FHIP2A: variants seen among roughly 807,000 people sequenced by gnomAD.
FHIP2A encodes the protein FHF complex subunit HOOK interacting protein 2A, also known as family with sequence similarity 160 member B1.
Under a neutral mutation model 93.5 loss-of-function variants are expected in FHIP2A, and 46 were observed. The observed-to-expected ratio is 0.49, with a 90% confidence interval of 0.39 to 0.63. The LOEUF is 0.63. FHIP2A is among the 20% of genes least tolerant of loss of function. FHIP2A has a pLI of 0.00. For missense variants in FHIP2A, 769 were observed against 909.7 expected (o/e 0.85, Z 1.99); for synonymous variants, 332 against 326.5 (o/e 1.02, Z -0.18).
downstream of FHIP2A, among the ~76,000 whole-genome samples, chr10:114,865,975 T>A (rs897018626): frequency 2.6e-5 from 4 of 152,176 alleles, no homozygotes; most frequent in African/African-American, 7.2e-5. Flanking sequence ...TTGTTTTTTT[T>A]AATTTATTTT....
Position 114,839,605 on chromosome 10 carries a change from G to A in FHIP2A, c.523-3328G>A, listed in dbSNP as rs138531830. ...TAGAAACAGTCTTTGCCGGCCGGGC[G>A]CGGTGGCTCATGCCTGTAATCCCAG... On this transcript the variant is annotated intron_variant, in intron 5 of 16. Coordinates refer to ENST00000369248, the MANE Select transcript of FHIP2A (RefSeq NM_020940.4). Among the ~76,000 whole-genome samples, 114 of 152,158 alleles carry A rather than the reference G, an allele frequency of 7.5e-4. 2 individuals carry two copies. The East Asian group carries it at 0.021, about 28-fold the overall frequency.
chr10:114,862,955 T>A lies in FHIP2A; in HGVS notation c.*1415T>A. The A allele has an allele frequency of 1.0e-6, 1 of 985,440 alleles. No individual in the cohort carries two copies. Among genetic ancestry groups the A allele is most frequent in the Non-Finnish European group, 1.2e-6 (1 of 829,930 alleles). The allele number at this position is 985,440 out of a possible 1,614,324, so 61.0% of individuals were successfully genotyped here. On this transcript the variant is annotated 3_prime_UTR_variant, in exon 17 of 17. Transcript: ENST00000369248. ...TGTGTGGCATGTGCATAGAGGCTTG[T>A]TTTACACCTATCTGCTCATTTTGTT...
chr10:114,861,809 G>A lies in FHIP2A; in HGVS notation c.*269G>A, dbSNP rs2083801691. 1 of 1,097,124 alleles carries A rather than the reference G, an allele frequency of 9.1e-7. No individual in the cohort carries two copies. Among genetic ancestry groups the A allele is most frequent in the African/African-American group, 1.7e-5 (1 of 60,470 alleles). 68.0% of individuals were successfully genotyped at this position (1,097,124 alleles called of 1,614,324 possible). A position where few individuals can be genotyped will look rare whatever the true frequency, so the allele number is the denominator to read the frequency against. ...CAATCAAAGGAACTTCAGGAAATAA[G>A]CATTTCTAATGACTGTGAAAAGCTG... On this transcript the variant is annotated 3_prime_UTR_variant, in exon 17 of 17. Coordinates refer to ENST00000369248, the MANE Select transcript of FHIP2A (RefSeq NM_020940.4).
chr10:114,822,571 G>A (rs1171810941), intron 1 of FHIP2A, among the ~76,000 whole-genome samples: 1 of 152,254 alleles, frequency 6.6e-6, no homozygotes, highest in African/African-American at 2.4e-5. Flanking sequence ...AGCAAGCACC[G>A]CTTGGGCTTG....
intron 16 of FHIP2A, among the ~76,000 whole-genome samples, chr10:114,885,422 A>T (rs1592034329): frequency 6.6e-6 from 1 of 151,868 alleles, no homozygotes; most frequent in Non-Finnish European, 1.5e-5. Context: ...GAAAAAAAAA[A>T]GCAGATGACC....
At chr10:114,852,527 T>C (rs1340331998) in intron 13 of FHIP2A, among the ~76,000 whole-genome samples, 2 of 152,224 alleles carry the variant, frequency 1.3e-5, no homozygotes, top group African/African-American at 4.8e-5. Context: ...CTCTAGTGTA[T>C]TGCCAAGTTG....
chr10:114,876,722 C>T (rs1055792567), intron 16 of FHIP2A, among the ~76,000 whole-genome samples: 2 of 152,188 alleles, frequency 1.3e-5, no homozygotes, highest in Non-Finnish European at 2.9e-5. Flanking sequence ...TCTCTTCTCA[C>T]CTGCCAGCTC....
intron 3 of FHIP2A, among the ~76,000 whole-genome samples, chr10:114,834,564 CTG>C (rs1386464765): frequency 2.0e-5 from 3 of 152,118 alleles, no homozygotes; most frequent in African/African-American, 2.4e-5. Context: ...TATTTTGTAA[CTG>C]TATTTGAAAT....
At chr10:114,866,004 G>A (rs1027157939), downstream of FHIP2A, among the ~76,000 whole-genome samples, 1 of 152,000 alleles carries the variant, frequency 6.6e-6, no homozygotes, top group Admixed American at 6.6e-5. Flanking sequence ...GGATACACAT[G>A]CAGGATGTGC....
chr10:114,886,044 C>T (rs1237252489), intron 16 of FHIP2A, among the ~76,000 whole-genome samples: 3 of 152,178 alleles, frequency 2.0e-5, no homozygotes, highest in Non-Finnish European at 1.5e-5. Context: ...AATAAAGCGT[C>T]TTAGTGTCTC....
intron 14 of FHIP2A, among the ~76,000 whole-genome samples, 154 bp from the exon 15 acceptor site, chr10:114,860,595 G>T (rs566729902): frequency 6.6e-6 from 1 of 151,862 alleles, no homozygotes; most frequent in African/African-American, 2.4e-5. Context: ...CAGGTGATCC[G>T]CCCGCCTCAG....
Position 114,862,768 on chromosome 10 carries a change from A to C in FHIP2A, c.*1228A>C. 6.1e-6 allele frequency: 6 copies of C among 985,352 alleles called. No homozygotes were observed. The highest frequency in any genetic ancestry group is 7.2e-6 in the Non-Finnish European group (6 of 829,904). 61.0% of individuals were successfully genotyped at this position (985,352 alleles called of 1,614,324 possible). A position where few individuals can be genotyped will look rare whatever the true frequency, so the allele number is the denominator to read the frequency against. Reference sequence around the variant, plus strand: ...ATCACTCAAATAATGCTTTTAAGCTATTGTTTGTTTTTATTTGACATGTTA... The same window carrying C: ...ATCACTCAAATAATGCTTTTAAGCTCTTGTTTGTTTTTATTTGACATGTTA... On this transcript the variant is annotated 3_prime_UTR_variant, in exon 17 of 17. Transcript: ENST00000369248.
At chr10:114,875,757 AG>A (rs1455729457) in intron 16 of FHIP2A, among the ~76,000 whole-genome samples, 1 of 151,098 alleles carries the variant, frequency 6.6e-6, no homozygotes, top group African/African-American at 2.4e-5. Context: ...AGAAAGAGAA[AG>A]AAAGAAAGAG....
chr10:114,835,956 AAGTT>A (rs2083634668), intron 4 of FHIP2A, among the ~76,000 whole-genome samples, 164 bp from the exon 5 acceptor site: 1 of 152,146 alleles, frequency 6.6e-6, no homozygotes, highest in South Asian at 2.1e-4. Context: ...TACCACTAGT[AAGTT>A]TATTTTGATA....
chr10:114,858,367 C>T lies in FHIP2A; in HGVS notation c.1948-2382C>T, dbSNP rs916299701. 2.6e-5 allele frequency among the ~76,000 whole-genome samples: 4 copies of T among 152,024 alleles called. 1 individual carries two copies. The East Asian group carries it at 7.7e-4, about 29-fold the overall frequency. ...TTAAATTTCTTAAGCAACCTATGAC[C>T]TACATTTATGTTAAAATAAACTACA... On this transcript the variant is annotated intron_variant, in intron 14 of 16. Coordinates refer to ENST00000369248, the MANE Select transcript of FHIP2A (RefSeq NM_020940.4).
Position 114,846,172 on chromosome 10 carries a change from C to T in FHIP2A, c.1206-3C>T. ...CCACTGACTACCTGTTCATTGTGCT[C>T]AGTTCTGAGATGGGTATTCTCACAT... On this transcript the variant is annotated splice_polypyrimidine_tract_variant and splice_region_variant and intron_variant, in intron 9 of 16. Transcript: ENST00000369248. 6.2e-7 allele frequency: 1 copy of T among 1,613,916 alleles called. No individual in the cohort carries two copies. The highest frequency in any genetic ancestry group is 2.2e-5 in the East Asian group (1 of 44,872).
intron 8 of FHIP2A, 129 bp downstream of exon 8, chr10:114,845,610 A>G: frequency 1.6e-6 from 1 of 620,924 alleles, no homozygotes; most frequent in South Asian, 2.1e-5. Context: ...TAAAATAAGT[A>G]AACAAAAAAG....
chr10:114,866,823 A>G (rs2083831518), downstream of FHIP2A, among the ~76,000 whole-genome samples: 1 of 152,214 alleles, frequency 6.6e-6, no homozygotes, highest in African/African-American at 2.4e-5. Context: ...TTGCCTGAAT[A>G]TTCTTACTTT....
chr10:114,830,792 T>A, intron 1 of FHIP2A, 60 bp from the exon 2 acceptor site: 1 of 1,147,958 alleles, frequency 8.7e-7, no homozygotes, highest in South Asian at 1.4e-5. Context: ...TACAGAGTTA[T>A]AAGTTATGGG....
Sources: allele counts gnomAD v4.1 joint callset (sites outside exome capture counted in the v4.1 genomes callset), GRCh38; gene constraint gnomAD v4.1.1; transcripts MANE v1.5; gene names NCBI Gene and HGNC (gene_info 2026-07-23, HGNC 2026-07-21).